The following PLCG2 variants were observed in gnomAD, a reference collection of about 807,000 sequenced individuals.
PLCG2 encodes 1-phosphatidylinositol 4,5-bisphosphate phosphodiesterase gamma-2.
In PLCG2, 69 loss-of-function variants were observed where a neutral mutation model predicts 175.6. The ratio of observed to expected loss-of-function variants is 0.39; its 90% CI spans 0.32 to 0.48. The LOEUF is 0.48. PLCG2 is among the 20% of genes least tolerant of loss of function. The probability of loss-of-function intolerance (pLI) is 0.91; values close to 1 mark genes in which losing one functional copy is unlikely to be tolerated. For missense variants in PLCG2, 1,798 were observed against 1,650.9 expected (o/e 1.09, Z -1.54); for synonymous variants, 827 against 624.0 (o/e 1.33, Z -4.85).
chr16:81,793,316 G>T (rs760307364), intron 2 of PLCG2, among the ~76,000 whole-genome samples: 4 of 152,236 alleles, frequency 2.6e-5, no homozygotes, highest in Admixed American at 6.5e-5. Flanking sequence ...GAGGGACCTA[G>T]TTGAGCAGTC....
intron 1 of PLCG2, among the ~76,000 whole-genome samples, chr16:81,753,668 C>G (rs111613753): frequency 0.025 from 3,844 of 152,252 alleles, 155 homozygotes; most frequent in African/African-American, 0.086. Context: ...CTTGGCCTCC[C>G]AAAGTACTGG....
chr16:81,773,790 T>A (rs569681385), intron 2 of PLCG2, among the ~76,000 whole-genome samples: 1 of 152,176 alleles, frequency 6.6e-6, no homozygotes, highest in South Asian at 2.1e-4. Flanking sequence ...AAAGTGAAGC[T>A]TACAGCGGCT....
At chr16:81,952,884 C>G (rs1398702682) in intron 31 of PLCG2, among the ~76,000 whole-genome samples, 2 of 152,228 alleles carry the variant, frequency 1.3e-5, no homozygotes, top group East Asian at 3.9e-4. Context: ...AGAAATTTAT[C>G]AATTAGAAAG....
intron 2 of PLCG2, among the ~76,000 whole-genome samples, chr16:81,853,881 C>T (rs1364725177): frequency 6.6e-6 from 1 of 152,102 alleles, no homozygotes; most frequent in Admixed American, 6.5e-5. Context: ...ATCCAGAACC[C>T]CTGTTACCAT....
rs915076784 is a variant in PLCG2 at position 81,843,039 on chromosome 16, G to T, written c.194-11405G>T. 5.3e-5 allele frequency among the ~76,000 whole-genome samples: 8 copies of T among 151,642 alleles called. No homozygotes were observed. In the South Asian group the frequency reaches 1.7e-3, roughly 32 times the overall value. Reference sequence around the variant, plus strand: ...GAAGACCCGAGGTGATGCTGGGAAGGGGGTGGGGTTGTGCAAAGATGAAGC... The same window carrying T: ...GAAGACCCGAGGTGATGCTGGGAAGTGGGTGGGGTTGTGCAAAGATGAAGC... On this transcript the variant is annotated intron_variant, in intron 2 of 32. Coordinates refer to ENST00000564138, the MANE Select transcript of PLCG2 (RefSeq NM_002661.5).
chr16:81,819,462 G>A lies in PLCG2; in HGVS notation c.193+33280G>A, dbSNP rs74029227. ...GCTTGGGGCACCCAGGAAGCCTGAG[G>A]CTTAGCTGGGTGGACCTCCTGGCTC... On this transcript the variant is annotated intron_variant, in intron 2 of 32. Transcript: ENST00000564138. Among the ~76,000 whole-genome samples the A allele has an allele frequency of 4.8e-3, 729 of 152,296 alleles. 8 individuals are homozygous for A. The highest frequency in any genetic ancestry group is 0.017 in the Middle Eastern group (5 of 294).
At chr16:81,812,068 G>A (rs79451837) in intron 2 of PLCG2, among the ~76,000 whole-genome samples, 4 of 18,360 alleles carry the variant, frequency 2.2e-4, no homozygotes, top group Non-Finnish European at 4.7e-4. Flanking sequence ...TTTTTTTTTT[G>A]AGACGGAGTC....
rs149205775 is a variant in PLCG2, at chr16:81,826,873, GTTC to G, written c.194-27563_194-27561del. Among the ~76,000 whole-genome samples the G allele has an allele frequency of 6.7e-3, 1,021 of 152,264 alleles. 12 individuals are homozygous for G. The highest frequency in any genetic ancestry group is 0.024 in the Middle Eastern group (7 of 294). ...TGAGTAATTGCTGGGTTTTTAAAAAGTTCTTCTTCTGTATCCATTTGAGGTCTT... is the reference window on the plus strand; with the variant it reads ...TGAGTAATTGCTGGGTTTTTAAAAAGTTCTTCTGTATCCATTTGAGGTCTT... On this transcript the variant is annotated intron_variant, in intron 2 of 32. Coordinates refer to ENST00000564138, the MANE Select transcript of PLCG2 (RefSeq NM_002661.5).
At chr16:81,940,086 C>G (rs528012639) in intron 30 of PLCG2, 27 bp downstream of exon 30, 1 of 1,579,514 alleles carries the variant, frequency 6.3e-7, no homozygotes, top group Non-Finnish European at 8.7e-7. Flanking sequence ...TTAAGATGTT[C>G]GATTTGGGCT....
intron 31 of PLCG2, among the ~76,000 whole-genome samples, chr16:81,946,804 T>G (rs954986344): frequency 1.3e-5 from 2 of 152,066 alleles, no homozygotes; most frequent in African/African-American, 4.8e-5. Context: ...AGATATAGAA[T>G]TAGTGGGATC....
intron 9 of PLCG2, among the ~76,000 whole-genome samples, chr16:81,888,469 C>T (rs560703035): frequency 3.9e-4 from 60 of 152,336 alleles, no homozygotes; most frequent in African/African-American, 1.3e-3. Flanking sequence ...TCAGGCAGTC[C>T]ACCCGCCTCG....
At chr16:81,912,864 C>T in intron 19 of PLCG2, 148 bp downstream of exon 19, 5 of 1,027,362 alleles carry the variant, frequency 4.9e-6, no homozygotes, top group Non-Finnish European at 6.8e-6. Flanking sequence ...ACAGCAAAAG[C>T]CGCTGCGAGA....
intron 2 of PLCG2, among the ~76,000 whole-genome samples, chr16:81,768,793 C>G (rs1910210774): frequency 6.6e-6 from 1 of 152,126 alleles, no homozygotes; most frequent in African/African-American, 2.4e-5. Context: ...TCTCCAGCTC[C>G]TGACCTCAGG....
At chr16:81,855,504 T>C (rs1294410154) in intron 3 of PLCG2, among the ~76,000 whole-genome samples, 1 of 152,236 alleles carries the variant, frequency 6.6e-6, no homozygotes, top group African/African-American at 2.4e-5. Context: ...AAATAACTTA[T>C]TAATTTCTCA....
intron 2 of PLCG2, among the ~76,000 whole-genome samples, chr16:81,790,272 TGGAGG>T (rs1345693800): frequency 6.6e-6 from 1 of 152,244 alleles, no homozygotes; most frequent in Admixed American, 6.5e-5. Context: ...GGGTTTGGAC[TGGAGG>T]GGAGTAGGGT....
At chr16:81,889,564 C>T (rs1400747748) in intron 10 of PLCG2, among the ~76,000 whole-genome samples, 1 of 151,898 alleles carries the variant, frequency 6.6e-6, no homozygotes, top group African/African-American at 2.4e-5. Context: ...CACTTAGAGC[C>T]AGCTGAATGG....
chr16:81,881,773 A>T (rs1261462818), intron 8 of PLCG2, among the ~76,000 whole-genome samples: 2 of 151,720 alleles, frequency 1.3e-5, no homozygotes, highest in East Asian at 3.9e-4. Flanking sequence ...TCCTCCGAAT[A>T]GCTGGGACTA....
At chr16:81,814,374 G>C (rs984622274) in intron 2 of PLCG2, among the ~76,000 whole-genome samples, 6 of 152,066 alleles carry the variant, frequency 3.9e-5, no homozygotes, top group African/African-American at 1.4e-4. Flanking sequence ...CTGCGAGGTG[G>C]GGTGTAGCCG....
chr16:81,935,651 A>G, intron 26 of PLCG2: 2 of 985,314 alleles, frequency 2.0e-6, no homozygotes, highest in Non-Finnish European at 1.2e-6. Context: ...CTGCCGGGCT[A>G]TCCCACCACA....
Sources: gnomAD v4.1 joint callset for allele counts (sites outside exome capture counted in the v4.1 genomes callset) on GRCh38, gnomAD v4.1.1 for gene constraint, MANE v1.5 for transcripts, NCBI Gene and HGNC (gene_info 2026-07-23, HGNC 2026-07-21) for gene names.